The following MRPL48 variants were observed in gnomAD, a reference collection of about 807,000 sequenced individuals.
The protein encoded by MRPL48 is mitochondrial ribosomal protein L48.
MRPL48 carries 16 observed loss-of-function variants against 32.9 expected under a neutral mutation model. That is an observed-to-expected ratio of 0.49 (90% CI 0.33 to 0.74). The LOEUF (loss-of-function observed/expected upper bound fraction) is 0.74, where lower values mean the gene tolerates loss of function less well. Ranked by LOEUF, MRPL48 falls within the 30% of genes least tolerant of loss-of-function variation. The pLI is 0.02. For missense variants in MRPL48, 206 were observed against 245.3 expected (o/e 0.84, Z 1.07); for synonymous variants, 94 against 89.2 (o/e 1.05, Z -0.31).
chr11:73,864,626 A>C lies in MRPL48; in HGVS notation c.*256A>C. The C allele has an allele frequency of 4.1e-6, 2 of 490,218 alleles. No individual in the cohort carries two copies. Among genetic ancestry groups the C allele is most frequent in the Non-Finnish European group, 3.7e-6 (1 of 270,992 alleles). The allele number at this position is 490,218 out of a possible 1,614,324, so 30.4% of individuals were successfully genotyped here. A position where few individuals can be genotyped will look rare whatever the true frequency, so the allele number is the denominator to read the frequency against. On this transcript the variant is annotated 3_prime_UTR_variant, in exon 8 of 8. Transcript: ENST00000310614. ...GTGTATATGTATGTGTGTGTGAGAG[A>C]GAGAAATTGGCCCATCCTGTGGAGT...
At chr11:73,809,503 CAAA>C (rs11317887) in intron 3 of MRPL48, among the ~76,000 whole-genome samples, 7 of 102,934 alleles carry the variant, frequency 6.8e-5, no homozygotes, top group Admixed American at 1.0e-4. Flanking sequence ...GACTCCGTCT[CAAA>C]AAAAAAAAAA....
intron 5 of MRPL48, among the ~76,000 whole-genome samples, chr11:73,857,898 T>TTA (rs56145322): frequency 0.056 from 8,584 of 152,166 alleles, 264 homozygotes; most frequent in Middle Eastern, 0.11. Context: ...CATAGACTTC[T>TTA]TTGCCCATCA....
intron 4 of MRPL48, among the ~76,000 whole-genome samples, chr11:73,836,086 T>C (rs1948096875): frequency 6.6e-6 from 1 of 151,078 alleles, no homozygotes; most frequent in African/African-American, 2.4e-5. Context: ...GGTGTGCACC[T>C]CCATGCCCAG....
At chr11:73,839,751 C>T (rs1040540560) in intron 4 of MRPL48, among the ~76,000 whole-genome samples, 22 of 152,086 alleles carry the variant, frequency 1.4e-4, no homozygotes, top group African/African-American at 5.3e-4. Context: ...ACACAAAAAT[C>T]CCTATAACCA....
intron 4 of MRPL48, among the ~76,000 whole-genome samples, chr11:73,829,592 G>A (rs1053065607): frequency 2.0e-5 from 3 of 152,026 alleles, no homozygotes; most frequent in South Asian, 4.1e-4. Flanking sequence ...CTAGTCTTCC[G>A]GTCCTGGGTT....
rs185509104 is a variant in MRPL48, at chr11:73,857,652, T to C, written c.372-2255T>C. Reference sequence around the variant, plus strand: ...CTCTGTCGCCCAGGCTGGAGTACAGTGGCATGATCTCGGCTCACTGCAACC... The same window carrying C: ...CTCTGTCGCCCAGGCTGGAGTACAGCGGCATGATCTCGGCTCACTGCAACC... On this transcript the variant is annotated intron_variant, in intron 5 of 7. Coordinates refer to ENST00000310614, the MANE Select transcript of MRPL48 (RefSeq NM_016055.6). Among the ~76,000 whole-genome samples the C allele has an allele frequency of 1.5e-4, 22 of 142,162 alleles. No homozygotes were observed. The Admixed American group carries it at 1.7e-3, about 11-fold the overall frequency. The allele number at this position is 142,162 out of a possible 152,430, so 93.3% of individuals were successfully genotyped here. A position where few individuals can be genotyped will look rare whatever the true frequency, so the allele number is the denominator to read the frequency against.
At chr11:73,797,075 A>C (rs1052296892) in intron 1 of MRPL48, among the ~76,000 whole-genome samples, 3 of 152,200 alleles carry the variant, frequency 2.0e-5, no homozygotes, top group Admixed American at 6.5e-5. Flanking sequence ...AAAAGCAAAC[A>C]AACCAACCTT....
At position 73,824,669 on chromosome 11, in the gene MRPL48, A is replaced by G. The variant is rs973373825; in HGVS notation, c.113-1039A>G. Among the ~76,000 whole-genome samples the G allele has an allele frequency of 2.6e-5, 4 of 152,190 alleles. No homozygotes were observed. In the East Asian group the frequency reaches 7.7e-4, roughly 29 times the overall value. ...TTGCTGCCTGTCTCTTTCTCTATAT[A>G]GTCACAGTTAGAAAACTTCAAAAGG... On this transcript the variant is annotated intron_variant, in intron 3 of 7. Transcript: ENST00000310614.
intron 5 of MRPL48, among the ~76,000 whole-genome samples, chr11:73,848,317 T>C (rs796824925): frequency 2.8e-4 from 43 of 152,308 alleles, no homozygotes; most frequent in African/African-American, 9.9e-4. Flanking sequence ...TGCTCTATTC[T>C]GTTACATATA....
At chr11:73,840,081 T>C (rs1220894868) in intron 4 of MRPL48, among the ~76,000 whole-genome samples, 3 of 147,626 alleles carry the variant, frequency 2.0e-5, no homozygotes, top group Non-Finnish European at 4.5e-5. Context: ...CTGGGCAATA[T>C]AGTGAGACCC....
intron 4 of MRPL48, chr11:73,832,300 A>G (rs532831337): frequency 1.3e-5 from 2 of 152,306 alleles, no homozygotes; most frequent in African/African-American, 2.4e-5. Flanking sequence ...TGTTGATAGA[A>G]AGGAGGTATC....
intron 5 of MRPL48, among the ~76,000 whole-genome samples, chr11:73,845,553 A>C (rs140663320): frequency 4.6e-5 from 7 of 152,156 alleles, no homozygotes; most frequent in South Asian, 4.1e-4. Flanking sequence ...TGGGAGGATC[A>C]CTTGATCCCA....
chr11:73,830,018 T>C (rs1488572668), intron 4 of MRPL48, among the ~76,000 whole-genome samples: 2 of 152,152 alleles, frequency 1.3e-5, no homozygotes, highest in African/African-American at 4.8e-5. Flanking sequence ...TGCCTCAGCC[T>C]CCCAAAGTAC....
At position 73,858,521 on chromosome 11, in the gene MRPL48, C is replaced by T. The variant is rs190049796; in HGVS notation, c.372-1386C>T. ...TAAACTCCTGATCTTGTGATCCACC[C>T]GCATCGGCCTCCCAAAGTGCTGAGA... On this transcript the variant is annotated intron_variant, in intron 5 of 7. Coordinates refer to ENST00000310614, the MANE Select transcript of MRPL48 (RefSeq NM_016055.6). 2.8e-4 allele frequency among the ~76,000 whole-genome samples: 43 copies of T among 152,224 alleles called. 1 individual carries two copies. In the East Asian group the frequency reaches 6.4e-3, roughly 23 times the overall value.
intron 1 of MRPL48, among the ~76,000 whole-genome samples, chr11:73,804,121 T>C (rs2134959513): frequency 6.6e-6 from 1 of 152,124 alleles, no homozygotes; most frequent in South Asian, 2.1e-4. Flanking sequence ...GGTTTCACAA[T>C]CTTGGCCGGG....
rs564141914 is a variant in MRPL48, at chr11:73,830,037, C to A, written c.201+4241C>A. ...TCAGCCTCCCAAAGTACTAGGATTA[C>A]AGGAGTGAGCCACCGTACCTGGCCT... is the stretch of plus-strand genomic sequence containing the variant. On this transcript the variant is annotated intron_variant, in intron 4 of 7. Coordinates refer to ENST00000310614, the MANE Select transcript of MRPL48 (RefSeq NM_016055.6). Among the ~76,000 whole-genome samples, 272 of 152,286 alleles carry A rather than the reference C, an allele frequency of 1.8e-3. 2 individuals are homozygous for A. Among genetic ancestry groups the A allele is most frequent in the Non-Finnish European group, 3.1e-3 (212 of 68,016 alleles).
intron 1 of MRPL48, among the ~76,000 whole-genome samples, chr11:73,800,654 T>A (rs1590934749): frequency 6.6e-6 from 1 of 151,964 alleles, no homozygotes; most frequent in Non-Finnish European, 1.5e-5. Flanking sequence ...GAGGAGAGGG[T>A]AATTGTAGAT....
chr11:73,829,902 T>C (rs1792183), intron 4 of MRPL48, among the ~76,000 whole-genome samples: 78,183 of 151,864 alleles, frequency 0.51, 21,413 homozygotes, highest in African/African-American at 0.72. Context: ...GTAGCTAGGA[T>C]TACAGGAGTA....
At chr11:73,855,080 C>A (rs2135078113) in intron 5 of MRPL48, among the ~76,000 whole-genome samples, 1 of 152,236 alleles carries the variant, frequency 6.6e-6, no homozygotes, top group South Asian at 2.1e-4. Context: ...CAACTGTTGG[C>A]TGCTATTATT....
Sources: allele counts gnomAD v4.1 joint callset (sites outside exome capture counted in the v4.1 genomes callset), GRCh38; gene constraint gnomAD v4.1.1; transcripts MANE v1.5; gene names NCBI Gene and HGNC (gene_info 2026-07-23, HGNC 2026-07-21).